The following CACNA2D1 variants were observed in gnomAD, a reference collection of about 807,000 sequenced individuals.
The protein encoded by CACNA2D1 is voltage-dependent calcium channel subunit alpha-2/delta-1.
CACNA2D1 carries 53 observed loss-of-function variants against 171.5 expected under a neutral mutation model. The observed-to-expected ratio is 0.31, with a 90% CI of 0.25 to 0.39. The LOEUF is 0.39. Ranked by LOEUF, CACNA2D1 falls within the 10% of genes least tolerant of loss-of-function variation. The probability of loss-of-function intolerance (pLI) is 1.00; values close to 1 mark genes in which losing one functional copy is unlikely to be tolerated. For missense variants in CACNA2D1, 903 were observed against 1,299.8 expected, an observed-to-expected ratio of 0.69 and a Z score of 4.69; for synonymous variants, 442 against 443.1, an observed-to-expected ratio of 1.00 and a Z score of 0.03.
chr7:81,988,432 T>C (rs1440097872), intron 21 of CACNA2D1, among the ~76,000 whole-genome samples: 1 of 152,204 alleles, frequency 6.6e-6, no homozygotes, highest in Non-Finnish European at 1.5e-5. Context: ...TGTTTTGCAA[T>C]ATGCTCTCCT....
intron 10 of CACNA2D1, among the ~76,000 whole-genome samples, chr7:82,052,819 TCTC>T (rs1054619435): frequency 1.3e-5 from 2 of 152,196 alleles, no homozygotes; most frequent in African/African-American, 4.8e-5. Context: ...TCCAGTTCTT[TCTC>T]TTTTCTTGGA....
chr7:82,388,073 A>C (rs1468815371), intron 1 of CACNA2D1, among the ~76,000 whole-genome samples: 5 of 145,226 alleles, frequency 3.4e-5, no homozygotes, highest in African/African-American at 1.0e-4. Flanking sequence ...AAAAAAAAAA[A>C]AAAACAAAAA....
chr7:82,440,474 A>G (rs1005780843), intron 1 of CACNA2D1, among the ~76,000 whole-genome samples: 2 of 151,936 alleles, frequency 1.3e-5, no homozygotes, highest in East Asian at 1.9e-4. Flanking sequence ...TGTGCATACT[A>G]TAGCATAAAA....
Position 81,949,039 on chromosome 7 carries a change from T to C in CACNA2D1, c.*1353A>G, listed in dbSNP as rs1036890455. On this transcript the variant is annotated 3_prime_UTR_variant, in exon 39 of 39. Transcript: ENST00000356860. ...ATTGTAAAACCCTTATCAACTTGCA[T>C]GGAAATTTTGGCCAAACGATCATAC... The C allele has an allele frequency of 2.0e-5, 3 of 151,958 alleles. No individual in the cohort carries two copies. Among genetic ancestry groups the C allele is most frequent in the African/African-American group, 7.2e-5 (3 of 41,432 alleles). 9.4% of individuals were successfully genotyped at this position (151,958 alleles called of 1,614,324 possible).
intron 3 of CACNA2D1, among the ~76,000 whole-genome samples, chr7:82,177,578 G>A (rs557543305): frequency 1.3e-5 from 2 of 149,968 alleles, no homozygotes; most frequent in Non-Finnish European, 1.5e-5. Flanking sequence ...AAACCCCTCA[G>A]GGAAACTAAG....
chr7:82,362,133 T>A (rs1821144433), intron 1 of CACNA2D1, among the ~76,000 whole-genome samples: 1 of 152,188 alleles, frequency 6.6e-6, no homozygotes, highest in Non-Finnish European at 1.5e-5. Flanking sequence ...CACGCCCATG[T>A]AACTCACCAT....
At chr7:82,393,436 T>C (rs569979136) in intron 1 of CACNA2D1, among the ~76,000 whole-genome samples, 17 of 152,066 alleles carry the variant, frequency 1.1e-4, no homozygotes, top group African/African-American at 4.1e-4. Flanking sequence ...AACAAAAATA[T>C]AAACAAAAAT....
At chr7:82,032,732 C>T (rs999400834) in intron 12 of CACNA2D1, 65 bp downstream of exon 12, 13 of 845,838 alleles carry the variant, frequency 1.5e-5, no homozygotes, top group East Asian at 5.4e-5. Context: ...CTACCACTAC[C>T]CACTATCTCT....
At chr7:82,100,191 A>G (rs1412716111) in intron 6 of CACNA2D1, among the ~76,000 whole-genome samples, 1 of 152,216 alleles carries the variant, frequency 6.6e-6, no homozygotes, top group Non-Finnish European at 1.5e-5. Flanking sequence ...TCAGGCTTTT[A>G]GAGATTCCAA....
At chr7:82,075,068 T>A (rs1808797648) in intron 7 of CACNA2D1, among the ~76,000 whole-genome samples, 1 of 152,120 alleles carries the variant, frequency 6.6e-6, no homozygotes, top group African/African-American at 2.4e-5. Context: ...TGTGTCCATG[T>A]GTCCTCATTG....
chr7:82,020,557 GACA>G (rs1173436493), intron 12 of CACNA2D1, among the ~76,000 whole-genome samples: 1 of 151,944 alleles, frequency 6.6e-6, no homozygotes, highest in African/African-American at 2.4e-5. Context: ...TGATGATGAA[GACA>G]ACAATGTCTT....
chr7:81,988,189 C>A (rs1447928745), intron 21 of CACNA2D1, among the ~76,000 whole-genome samples: 1 of 152,156 alleles, frequency 6.6e-6, no homozygotes, highest in Non-Finnish European at 1.5e-5. Context: ...TGCCCTGATA[C>A]TTTGTTTTAT....
At position 82,118,687 on chromosome 7, in the gene CACNA2D1, G is replaced by A. The variant is rs1789360835; in HGVS notation, c.397-1514C>T. Among the ~76,000 whole-genome samples, 3 of 151,948 alleles carry A rather than the reference G, an allele frequency of 2.0e-5. No homozygotes were observed. The South Asian group carries it at 6.2e-4, about 31-fold the overall frequency. On this transcript the variant is annotated intron_variant, in intron 5 of 38. Transcript: ENST00000356860. ...TGAATCCTCTCACACTTAACAATTAGCAGTTTTAAATTCATCTTATGGAGG... is the reference window on the plus strand; with the variant it reads ...TGAATCCTCTCACACTTAACAATTAACAGTTTTAAATTCATCTTATGGAGG...
At chr7:82,245,921 A>G (rs956439341) in intron 3 of CACNA2D1, among the ~76,000 whole-genome samples, 1 of 152,086 alleles carries the variant, frequency 6.6e-6, no homozygotes, top group Non-Finnish European at 1.5e-5. Context: ...AATTTTTTCT[A>G]TATGACTTCA....
At chr7:82,124,448 T>C (rs1790098205) in intron 5 of CACNA2D1, among the ~76,000 whole-genome samples, 1 of 152,128 alleles carries the variant, frequency 6.6e-6, no homozygotes. Flanking sequence ...CTTCAGCATC[T>C]AATTGGTCCC....
intron 1 of CACNA2D1, among the ~76,000 whole-genome samples, chr7:82,427,894 G>A (rs950334336): frequency 2.6e-5 from 4 of 152,086 alleles, no homozygotes; most frequent in Admixed American, 1.3e-4. Context: ...TGATTAGAAA[G>A]GCAGCAACCC....
At chr7:82,018,356 G>C (rs1336199174) in intron 12 of CACNA2D1, among the ~76,000 whole-genome samples, 1 of 152,118 alleles carries the variant, frequency 6.6e-6, no homozygotes, top group Admixed American at 6.6e-5. Context: ...TTACCAGAGG[G>C]TAAGAAGACT....
intron 24 of CACNA2D1, among the ~76,000 whole-genome samples, chr7:81,978,770 T>TATATATACAC (rs772536703): frequency 3.5e-5 from 5 of 144,018 alleles, no homozygotes; most frequent in African/African-American, 1.3e-4. Flanking sequence ...TATATATATA[T>TATATATACAC]ACACACACAC....
intron 38 of CACNA2D1, among the ~76,000 whole-genome samples, chr7:81,957,377 A>G (rs530639956): frequency 1.3e-5 from 2 of 152,282 alleles, no homozygotes; most frequent in African/African-American, 2.4e-5. Context: ...GAACATTAAT[A>G]TCGCAGATTT....
Sources: gnomAD v4.1 joint callset for allele counts (sites outside exome capture counted in the v4.1 genomes callset) on GRCh38, gnomAD v4.1.1 for gene constraint, MANE v1.5 for transcripts, NCBI Gene and HGNC (gene_info 2026-07-23, HGNC 2026-07-21) for gene names.